The following DLGAP1 variants were observed in gnomAD, a reference collection of about 807,000 sequenced individuals.
The protein encoded by DLGAP1 is DLG associated protein 1, also known as disks large-associated protein 1.
In DLGAP1, 11 loss-of-function variants were observed where a neutral mutation model predicts 90.8. The ratio of observed to expected loss-of-function variants is 0.12; its 90% confidence interval spans 0.08 to 0.20. DLGAP1 has a LOEUF of 0.20. Among genes scored for constraint, DLGAP1 ranks in the 10% least tolerant of loss-of-function variants. The pLI, the probability that DLGAP1 is intolerant of heterozygous loss-of-function variation, is 1.00. For missense variants in DLGAP1, 1,050 were observed against 1,333.8 expected (o/e 0.79, Z 3.31); for synonymous variants, 558 against 540.7 (o/e 1.03, Z -0.44).
At chr18:3,589,521 G>T (rs1021935321) in intron 7 of DLGAP1, among the ~76,000 whole-genome samples, 1 of 151,910 alleles carries the variant, frequency 6.6e-6, no homozygotes, top group African/African-American at 2.4e-5. Context: ...AGTCCATAAG[G>T]AACCACAAAT....
chr18:4,290,776 G>C (rs1192440483), intron 1 of DLGAP1, among the ~76,000 whole-genome samples: 1 of 152,106 alleles, frequency 6.6e-6, no homozygotes, highest in Non-Finnish European at 1.5e-5. Context: ...GTATTGAAAA[G>C]GGAGGGAAAA....
intron 2 of DLGAP1, among the ~76,000 whole-genome samples, chr18:4,115,052 G>C (rs1264743739): frequency 6.6e-6 from 1 of 151,594 alleles, no homozygotes; most frequent in Non-Finnish European, 1.5e-5. Flanking sequence ...GCCTTGTTTA[G>C]TGTTAAGCAA....
At chr18:3,756,965 T>A (rs563145122) in intron 5 of DLGAP1, among the ~76,000 whole-genome samples, 2 of 152,348 alleles carry the variant, frequency 1.3e-5, no homozygotes, top group African/African-American at 4.8e-5. Context: ...TAAATAATAG[T>A]TCAGGCTCAG....
intron 2 of DLGAP1, among the ~76,000 whole-genome samples, chr18:4,022,907 A>G (rs2074638091): frequency 7.8e-6 from 1 of 128,316 alleles, no homozygotes; most frequent in Non-Finnish European, 1.7e-5. Context: ...ACACTTTATC[A>G]ATGATTTAAT....
intron 2 of DLGAP1, among the ~76,000 whole-genome samples, chr18:4,060,768 C>T (rs2075287200): frequency 6.6e-6 from 1 of 151,978 alleles, no homozygotes; most frequent in Non-Finnish European, 1.5e-5. Flanking sequence ...GATAAAGGAT[C>T]TTGTATGGTA....
At chr18:3,923,726 C>G (rs1003760885) in intron 3 of DLGAP1, among the ~76,000 whole-genome samples, 1 of 152,170 alleles carries the variant, frequency 6.6e-6, no homozygotes, top group African/African-American at 2.4e-5. Context: ...CTCTTGCTAT[C>G]TGGAAGTATA....
At chr18:4,290,839 T>A (rs2145505000) in intron 1 of DLGAP1, among the ~76,000 whole-genome samples, 1 of 152,254 alleles carries the variant, frequency 6.6e-6, no homozygotes, top group Admixed American at 6.5e-5. Flanking sequence ...ATGTGGTCTA[T>A]CTTTTTCACG....
chr18:3,919,893 T>C (rs2072227966), intron 3 of DLGAP1, among the ~76,000 whole-genome samples: 1 of 151,900 alleles, frequency 6.6e-6, no homozygotes, highest in Admixed American at 6.6e-5. Flanking sequence ...TAAGAAAGAG[T>C]GAACACATAG....
chr18:3,921,492 A>G (rs374529939), intron 3 of DLGAP1, among the ~76,000 whole-genome samples: 15 of 152,192 alleles, frequency 9.9e-5, no homozygotes, highest in Non-Finnish European at 2.1e-4. Context: ...CCAATTCTAT[A>G]TATAAGAACT....
At chr18:4,318,013 A>G (rs1247657887) in intron 1 of DLGAP1, among the ~76,000 whole-genome samples, 1 of 151,984 alleles carries the variant, frequency 6.6e-6, no homozygotes, top group East Asian at 1.9e-4. Context: ...ACGCCCAGAT[A>G]ATTTTTGTAT....
At chr18:3,726,083 A>G (rs141896925) in intron 7 of DLGAP1, among the ~76,000 whole-genome samples, 1 of 152,328 alleles carries the variant, frequency 6.6e-6, no homozygotes, top group East Asian at 1.9e-4. Flanking sequence ...AGTTGACAAA[A>G]TGAGGAATTT....
At chr18:4,449,060 C>T (rs1000874172) in intron 1 of DLGAP1, among the ~76,000 whole-genome samples, 5 of 151,998 alleles carry the variant, frequency 3.3e-5, no homozygotes, top group African/African-American at 9.7e-5. Flanking sequence ...CAGGCATATA[C>T]GCAGAAAATG....
chr18:4,235,177 T>C (rs2078382023), intron 1 of DLGAP1, among the ~76,000 whole-genome samples: 1 of 152,146 alleles, frequency 6.6e-6, no homozygotes, highest in South Asian at 2.1e-4. Context: ...GAAGCACTCC[T>C]TCAAATTAGA....
chr18:3,720,896 A>AAAAAAAAAAG lies in DLGAP1; in HGVS notation c.1591+8238_1591+8239insCTTTTTTTTT, dbSNP rs1555641010. Among the ~76,000 whole-genome samples, 69 of 125,858 alleles carry AAAAAAAAAAG rather than the reference A, an allele frequency of 5.5e-4. 4 individuals are homozygous for AAAAAAAAAAG. In the South Asian group the frequency reaches 9.3e-3, roughly 17 times the overall value. 82.6% of individuals were successfully genotyped at this position (125,858 alleles called of 152,430 possible). On this transcript the variant is annotated intron_variant, in intron 7 of 12. Coordinates refer to ENST00000315677, the MANE Select transcript of DLGAP1 (RefSeq NM_004746.4). ...CTAAGACCTTGTCTCTACAAAAAAAAAAAAAAAAAAAAATTAGCTGGGCCT... is the reference window on the plus strand; with the variant it reads ...CTAAGACCTTGTCTCTACAAAAAAAAAAAAAAAAAGAAAAAAAAAAAAATTAGCTGGGCCT...
At chr18:4,149,763 G>C (rs2076643115) in intron 2 of DLGAP1, among the ~76,000 whole-genome samples, 1 of 152,186 alleles carries the variant, frequency 6.6e-6, no homozygotes, top group Non-Finnish European at 1.5e-5. Flanking sequence ...ATGATTTGAG[G>C]TGGAACAGTT....
At chr18:3,664,960 T>C (rs550259430) in intron 7 of DLGAP1, among the ~76,000 whole-genome samples, 1 of 152,328 alleles carries the variant, frequency 6.6e-6, no homozygotes, top group African/African-American at 2.4e-5. Flanking sequence ...GGAAAGACTG[T>C]GACTTAATAT....
chr18:4,151,638 C>A (rs2076676521), intron 1 of DLGAP1, among the ~76,000 whole-genome samples: 1 of 152,166 alleles, frequency 6.6e-6, no homozygotes. Flanking sequence ...CGATTGTATT[C>A]ACTTCCTGAG....
At chr18:3,800,786 T>A (rs1359437834) in intron 5 of DLGAP1, among the ~76,000 whole-genome samples, 1 of 151,962 alleles carries the variant, frequency 6.6e-6, no homozygotes, top group East Asian at 1.9e-4. Context: ...GACATGTGGG[T>A]ATGGTGTATA....
intron 3 of DLGAP1, among the ~76,000 whole-genome samples, chr18:3,946,913 A>G (rs907100516): frequency 6.6e-6 from 1 of 152,202 alleles, no homozygotes; most frequent in Non-Finnish European, 1.5e-5. Flanking sequence ...TTACTGCTTT[A>G]ATTTGAAGAT....
Sources: gnomAD v4.1 joint callset for allele counts (sites outside exome capture counted in the v4.1 genomes callset) on GRCh38, gnomAD v4.1.1 for gene constraint, MANE v1.5 for transcripts, NCBI Gene and HGNC (gene_info 2026-07-23, HGNC 2026-07-21) for gene names.